UTP15: variants seen among roughly 807,000 people sequenced by gnomAD.
UTP15 encodes the protein UTP15 small subunit processome component.
Under a neutral mutation model 59.1 loss-of-function variants are expected in UTP15, and 5 were observed. The observed-to-expected ratio is 0.08, with a 90% CI of 0.04 to 0.18. The LOEUF (loss-of-function observed/expected upper bound fraction) is 0.18, where lower values mean the gene tolerates loss of function less well. Ranked by LOEUF, UTP15 falls within the 10% of genes least tolerant of loss-of-function variation. The pLI is 1.00. For missense variants in UTP15, 494 were observed against 616.7 expected (o/e 0.80, Z 2.11); for synonymous variants, 211 against 212.2 (o/e 0.99, Z 0.05).
chr5:73,579,984 A>G lies in UTP15; in HGVS notation c.1447A>G (p.Thr483Ala), dbSNP rs35898225. 6 of 1,613,778 alleles carry G rather than the reference A, an allele frequency of 3.7e-6. No homozygotes were observed. The Admixed American group carries it at 1.0e-4, about 27-fold the overall frequency. ...EIDYQRELLE[T>A]LGMMDMLFAT... ...TGATTACCAAAGAGAATTGTTAGAAACCTTGGGGATGATGGATATGCTTTT... is the reference window on the plus strand; with the variant it reads ...TGATTACCAAAGAGAATTGTTAGAAGCCTTGGGGATGATGGATATGCTTTT... The change falls in exon 13 of 13, where the codon ACC becomes GCC. Residue 483 changes from threonine to alanine, a missense_variant. By Grantham distance (58) the Thr-to-Ala change is moderately conservative (BLOSUM62 0). Transcript: ENST00000296792.
chr5:73,574,633 A>G (rs1748035864), intron 7 of UTP15, among the ~76,000 whole-genome samples: 1 of 151,874 alleles, frequency 6.6e-6, no homozygotes, highest in Non-Finnish European at 1.5e-5. Flanking sequence ...GACCACCGGC[A>G]CGCGCCACTG....
Position 73,580,541 on chromosome 5 carries a change from A to G in UTP15, c.*447A>G, listed in dbSNP as rs1286288113. On this transcript the variant is annotated 3_prime_UTR_variant, in exon 13 of 13. Transcript: ENST00000296792. ...ACAAAAAGCCTCTTTCTTGACTTTA[A>G]TCAGTGCCTTTGGGATTTCTAGGCC... is the stretch of plus-strand genomic sequence containing the variant. 3 of 153,568 alleles carry G rather than the reference A, an allele frequency of 2.0e-5. No homozygotes were observed. The highest frequency in any genetic ancestry group is 2.9e-5 in the Non-Finnish European group (2 of 69,170). 9.5% of individuals were successfully genotyped at this position (153,568 alleles called of 1,614,324 possible).
At chr5:73,567,668 A>G (rs531562201) in intron 2 of UTP15, 8 of 322,094 alleles carry the variant, frequency 2.5e-5, no homozygotes, top group Non-Finnish European at 4.5e-5. Flanking sequence ...ATGATCAATC[A>G]ATGCCAAATG....
At position 73,582,770 on chromosome 5, in the gene UTP15, G is replaced by C. The variant is rs1290534230; in HGVS notation, c.*2676G>C. On this transcript the variant is annotated 3_prime_UTR_variant, in exon 13 of 13. Transcript: ENST00000296792. ...AAACATAATTGGCATATTACAATATGTGACACTGGCCTTAAGATTCTAATT... is the reference window on the plus strand; with the variant it reads ...AAACATAATTGGCATATTACAATATCTGACACTGGCCTTAAGATTCTAATT... The C allele has an allele frequency of 6.6e-6, 1 of 152,208 alleles. No homozygotes were observed. The highest frequency in any genetic ancestry group is 1.5e-5 in the Non-Finnish European group (1 of 68,028). 9.4% of individuals were successfully genotyped at this position (152,208 alleles called of 1,614,324 possible).
At chr5:73,572,717 A>G (rs987459903) in intron 7 of UTP15, 93 bp downstream of exon 7, 4 of 1,300,674 alleles carry the variant, frequency 3.1e-6, no homozygotes, top group East Asian at 2.5e-5. Context: ...TGTGATAAGT[A>G]TACAGATAAT....
Position 73,568,693 on chromosome 5 carries a change from A to G in UTP15, c.368+89A>G, listed in dbSNP as rs572536401. The G allele has an allele frequency of 3.2e-6, 4 of 1,257,038 alleles. No homozygotes were observed. In the East Asian group the frequency reaches 7.1e-5, roughly 22 times the overall value. The allele number at this position is 1,257,038 out of a possible 1,614,324, so 77.9% of individuals were successfully genotyped here. On this transcript the variant is annotated intron_variant, in intron 4 of 12. Transcript: ENST00000296792. The stretch of plus-strand genomic sequence containing the variant: ...GACTTTGGTTAAAAAGATAGAGATC[A>G]GTTTTATGGAGATTATTTGCCTATA...
In UTP15 at chr5:73,580,000, A is replaced by G. The variant is rs1242223134; in HGVS notation, c.1463A>G (p.Asp488Gly). The change falls in exon 13 of 13, where the codon GAT (aspartate) becomes GGT (glycine). Residue 488 changes from aspartate to glycine, a missense_variant. By Grantham distance (94) the Asp-to-Gly change is moderately conservative. Coordinates refer to ENST00000296792, the MANE Select transcript of UTP15 (RefSeq NM_032175.4). ...RELLETLGMM[D>G]MLFATMRRKE... is the part of the protein sequence containing the mutation. ...TTGTTAGAAACCTTGGGGATGATGG[A>G]TATGCTTTTTGCCACCATGAGAAGG... 6.2e-7 allele frequency: 1 copy of G among 1,613,802 alleles called. No homozygotes were observed. Among genetic ancestry groups the G allele is most frequent in the Admixed American group, 1.7e-5 (1 of 59,990 alleles).
Position 73,568,262 on chromosome 5 carries a change from G to A in UTP15, c.118G>A (p.Ala40Thr). 6.2e-7 allele frequency: 1 copy of A among 1,610,550 alleles called. No homozygotes were observed. Among genetic ancestry groups the A allele is most frequent in the Non-Finnish European group, 8.5e-7 (1 of 1,179,112 alleles). Residue 40 changes from alanine to threonine, a missense_variant, in exon 3 of 13, where the codon GCA becomes ACA. Transcript: ENST00000296792. ...KTPVQIKEFG[A>T]VSKVDFSPQP... ...CCCTGTTCAGATTAAGGAATTTGGTGCAGTTTCAAAAGTAGACTTTTCTCC... is the reference window on the plus strand; with the variant it reads ...CCCTGTTCAGATTAAGGAATTTGGTACAGTTTCAAAAGTAGACTTTTCTCC...
Sources: allele counts gnomAD v4.1 joint callset (sites outside exome capture counted in the v4.1 genomes callset), GRCh38; gene constraint gnomAD v4.1.1; transcripts MANE v1.5; gene names NCBI Gene and HGNC (gene_info 2026-07-23, HGNC 2026-07-21).